Variants in ADAMTS17 observed in about 807,000 individuals in gnomAD.
ADAMTS17 encodes the protein A disintegrin and metalloproteinase with thrombospondin motifs 17.
A neutral mutation model predicts 141.5 loss-of-function variants in ADAMTS17; 113 were observed. The observed-to-expected ratio is 0.80, with a 90% confidence interval of 0.69 to 0.93. The LOEUF is 0.93. Ranked by LOEUF, ADAMTS17 falls within the 40% of genes least tolerant of loss-of-function variation. The probability of loss-of-function intolerance (pLI) is 0.00; values close to 1 mark genes in which losing one functional copy is unlikely to be tolerated. For synonymous variants in ADAMTS17, 768 were observed against 630.6 expected, an observed-to-expected ratio of 1.22 and a Z score of -3.27; for missense variants, 1,659 against 1,517.9, an observed-to-expected ratio of 1.09 and a Z score of -1.54.
intron 15 of ADAMTS17, among the ~76,000 whole-genome samples, chr15:100,066,727 CCTTT>C (rs142189239): frequency 0.03 from 4,509 of 152,118 alleles, 62 homozygotes; most frequent in African/African-American, 0.1. Context: ...ACGTGTCGTT[CCTTT>C]CTAAGTGGCC....
chr15:100,127,025 C>G (rs938883656), intron 12 of ADAMTS17, among the ~76,000 whole-genome samples: 10 of 152,168 alleles, frequency 6.6e-5, no homozygotes, highest in Admixed American at 5.9e-4. Flanking sequence ...AAGACATTTA[C>G]ACTAACACCC....
chr15:100,162,525 TATAC>T (rs1177827307), intron 8 of ADAMTS17, among the ~76,000 whole-genome samples: 138 of 79,976 alleles, frequency 1.7e-3, no homozygotes, highest in African/African-American at 6.4e-3. Context: ...TATATGCACA[TATAC>T]ACATTATATG....
At chr15:99,999,788 C>G (rs1219730434) in intron 18 of ADAMTS17, among the ~76,000 whole-genome samples, 1 of 152,154 alleles carries the variant, frequency 6.6e-6, no homozygotes, top group East Asian at 1.9e-4. Context: ...GACGACGGCA[C>G]TGGTCTGAAC....
intron 18 of ADAMTS17, among the ~76,000 whole-genome samples, chr15:100,007,516 G>A (rs1030120440): frequency 7.9e-5 from 12 of 152,082 alleles, no homozygotes; most frequent in Non-Finnish European, 1.5e-5. Flanking sequence ...TGCCTCCTGG[G>A]TTCAACCGAT....
At chr15:100,190,681 G>A (rs2040883080) in intron 8 of ADAMTS17, among the ~76,000 whole-genome samples, 1 of 152,226 alleles carries the variant, frequency 6.6e-6, no homozygotes, top group Non-Finnish European at 1.5e-5. Flanking sequence ...AGGTGCACAA[G>A]GGTTTCAGGC....
intron 7 of ADAMTS17, among the ~76,000 whole-genome samples, chr15:100,220,074 G>A (rs572127829): frequency 9.9e-5 from 15 of 152,206 alleles, no homozygotes; most frequent in African/African-American, 3.4e-4. Context: ...GGTACCTTCT[G>A]ATGCATGAAG....
At chr15:99,994,374 T>C (rs560820470) in intron 19 of ADAMTS17, among the ~76,000 whole-genome samples, 15 of 151,838 alleles carry the variant, frequency 9.9e-5, no homozygotes, top group Non-Finnish European at 2.1e-4. Flanking sequence ...TCCCAGCACT[T>C]TGGGAGGCTG....
intron 3 of ADAMTS17, among the ~76,000 whole-genome samples, chr15:100,290,204 T>C (rs1567494062): frequency 6.6e-6 from 1 of 152,178 alleles, no homozygotes; most frequent in Non-Finnish European, 1.5e-5. Context: ...GTAGCATTTC[T>C]ATATACCAAT....
chr15:99,998,633 C>T (rs2141351360), intron 18 of ADAMTS17, among the ~76,000 whole-genome samples: 1 of 152,200 alleles, frequency 6.6e-6, no homozygotes, highest in South Asian at 2.1e-4. Context: ...AATAAAACTT[C>T]AGGTCCCTGC....
intron 3 of ADAMTS17, among the ~76,000 whole-genome samples, chr15:100,305,707 T>G (rs1324158555): frequency 6.6e-6 from 1 of 152,176 alleles, no homozygotes; most frequent in East Asian, 1.9e-4. Context: ...GTTTTACTGA[T>G]GCATTCACAT....
chr15:100,216,912 GTTC>G (rs2041986318), intron 7 of ADAMTS17, among the ~76,000 whole-genome samples: 1 of 152,208 alleles, frequency 6.6e-6, no homozygotes, highest in Admixed American at 6.5e-5. Context: ...AACATCACAT[GTTC>G]TTCTGTTTTG....
At chr15:100,057,382 T>A (rs2032670634) in intron 15 of ADAMTS17, among the ~76,000 whole-genome samples, 1 of 152,136 alleles carries the variant, frequency 6.6e-6, no homozygotes, top group Non-Finnish European at 1.5e-5. Flanking sequence ...CACCAGGGCC[T>A]GCTCCGTAGA....
At chr15:100,054,738 C>G (rs1435881157) in intron 15 of ADAMTS17, among the ~76,000 whole-genome samples, 2 of 152,202 alleles carry the variant, frequency 1.3e-5, no homozygotes, top group African/African-American at 2.4e-5. Flanking sequence ...CTCTCACACC[C>G]TAGCTCTGTG....
chr15:100,073,107 T>G (rs985215527), intron 15 of ADAMTS17, among the ~76,000 whole-genome samples: 9 of 152,092 alleles, frequency 5.9e-5, no homozygotes, highest in Non-Finnish European at 1.3e-4. Flanking sequence ...GCAAAGGATA[T>G]GAACAGACAC....
At chr15:100,007,749 G>T (rs2061065691) in intron 18 of ADAMTS17, among the ~76,000 whole-genome samples, 1 of 152,116 alleles carries the variant, frequency 6.6e-6, no homozygotes, top group Non-Finnish European at 1.5e-5. Flanking sequence ...GGGGCTACCG[G>T]GTGCAGTGTC....
chr15:99,974,792 G>C (rs1449254707), intron 21 of ADAMTS17, among the ~76,000 whole-genome samples: 1 of 152,254 alleles, frequency 6.6e-6, no homozygotes, highest in Non-Finnish European at 1.5e-5. Context: ...GAGTGTGGTG[G>C]TCTGGCTGCC....
At chr15:100,302,631 C>T (rs2045081155) in intron 3 of ADAMTS17, among the ~76,000 whole-genome samples, 2 of 152,166 alleles carry the variant, frequency 1.3e-5, no homozygotes, top group South Asian at 4.1e-4. Flanking sequence ...ATTTGCATTT[C>T]CCTGATGGCT....
intron 3 of ADAMTS17, among the ~76,000 whole-genome samples, chr15:100,318,122 A>G (rs1567530309): frequency 6.6e-6 from 1 of 152,160 alleles, no homozygotes; most frequent in Non-Finnish European, 1.5e-5. Context: ...TCTGACTTTC[A>G]GATGATGAGA....
intron 4 of ADAMTS17, among the ~76,000 whole-genome samples, chr15:100,275,312 G>A (rs1247356940): frequency 2.0e-5 from 3 of 152,190 alleles, no homozygotes; most frequent in African/African-American, 4.8e-5. Context: ...CAGGGGGTGG[G>A]GGGCCTTCCC....
Sources: allele counts gnomAD v4.1 joint callset (sites outside exome capture counted in the v4.1 genomes callset), GRCh38; gene constraint gnomAD v4.1.1; transcripts MANE v1.5; gene names NCBI Gene and HGNC (gene_info 2026-07-23, HGNC 2026-07-21).